TAS1R1: variants seen among roughly 807,000 people sequenced by gnomAD.
TAS1R1 encodes taste receptor type 1 member 1.
TAS1R1 carries 31 observed loss-of-function variants against 45.8 expected under a neutral mutation model. That is an observed-to-expected ratio of 0.68 (90% CI 0.51 to 0.91). The LOEUF (loss-of-function observed/expected upper bound fraction) is 0.91, where lower values mean the gene tolerates loss of function less well. TAS1R1 is among the 40% of genes least tolerant of loss of function. The pLI is 0.00. For synonymous variants in TAS1R1, 437 were observed against 448.4 expected (o/e 0.97, Z 0.32); for missense variants, 1,051 against 1,063.9 (o/e 0.99, Z 0.17).
At chr1:6,561,396 T>C (rs969562159) in intron 1 of TAS1R1, among the ~76,000 whole-genome samples, 1 of 152,104 alleles carries the variant, frequency 6.6e-6, no homozygotes, top group African/African-American at 2.4e-5. Flanking sequence ...CTCAACAGTT[T>C]TGAAGTGACG....
At position 6,574,747 on chromosome 1, in the gene TAS1R1, G is replaced by T; in HGVS notation, c.615G>T (p.Lys205Asn). 1 of 1,614,286 alleles carries T rather than the reference G, an allele frequency of 6.2e-7. No homozygotes were observed. Among genetic ancestry groups the T allele is most frequent in the Non-Finnish European group, 8.5e-7 (1 of 1,180,052 alleles). Residue 205 changes from lysine to asparagine, a missense_variant, in exon 3 of 6, where the codon AAG becomes AAT. Lys to Asn is a moderately conservative substitution (Grantham distance 94). Transcript: ENST00000333172. The surrounding 1 kb of genome is among the most constrained non-coding windows in gnomAD (Gnocchi z 4.3). ...AGACCATGGTGCTGCTGCTGCAGAAGTTCGGGTGGACCTGGATCTCTCTGG... is the reference window on the plus strand; with the variant it reads ...AGACCATGGTGCTGCTGCTGCAGAATTTCGGGTGGACCTGGATCTCTCTGG... ...QVETMVLLLQ[K>N]FGWTWISLVG...
chr1:6,577,162 C>G, intron 5 of TAS1R1, 92 bp downstream of exon 5: 1 of 1,551,520 alleles, frequency 6.4e-7, no homozygotes. Flanking sequence ...GTGCCCTGCC[C>G]CAGAACCAAG....
intron 1 of TAS1R1, among the ~76,000 whole-genome samples, chr1:6,556,561 CA>C (rs1639688742): frequency 6.6e-6 from 1 of 151,922 alleles, no homozygotes; most frequent in African/African-American, 2.4e-5. Context: ...TCACCATACC[CA>C]GCTAATTTTT....
At position 6,566,995 on chromosome 1, in the gene TAS1R1, GA is replaced by G. The variant is rs553177744; in HGVS notation, c.192-3913del. Among the ~76,000 whole-genome samples the G allele has an allele frequency of 3.3e-3, 507 of 152,288 alleles. 1 individual carries two copies. The highest frequency in any genetic ancestry group is 5.6e-3 in the Non-Finnish European group (380 of 68,030). ...AGAGAGGTGGGAAGTGGGTGCTGGG[GA>G]GAGGGGTCAGGGACTGGACTGGCAG... On this transcript the variant is annotated intron_variant, in intron 1 of 5. Transcript: ENST00000333172.
At position 6,575,246 on chromosome 1, in the gene TAS1R1, GCACA is replaced by G; in HGVS notation, c.1118_1121del (p.His373ArgfsTer10). 1 of 1,613,478 alleles carries G rather than the reference GCACA, an allele frequency of 6.2e-7. No individual in the cohort carries two copies. The highest frequency in any genetic ancestry group is 8.5e-7 in the Non-Finnish European group (1 of 1,179,992). ...CTGCAGAGAATGCCAAGCTTTCATGGCACACACGATGCCCAAGCTCAAAGCCTTC... is the reference window on the plus strand; with the variant it reads ...CTGCAGAGAATGCCAAGCTTTCATGGCACGATGCCCAAGCTCAAAGCCTTC... On this transcript the variant is annotated frameshift_variant, in exon 3 of 6. Transcript: ENST00000333172. LOFTEE classifies it high-confidence loss of function.
At chr1:6,558,210 A>T (rs1011984315) in intron 1 of TAS1R1, among the ~76,000 whole-genome samples, 2 of 151,846 alleles carry the variant, frequency 1.3e-5, no homozygotes, top group Non-Finnish European at 1.5e-5. Flanking sequence ...CTAATTTTTT[A>T]AATTTTTTAT....
At position 6,555,504 on chromosome 1, in the gene TAS1R1, T is replaced by C. The variant is rs1194843018; in HGVS notation, c.131T>C (p.Phe44Ser). Residue 44 changes from phenylalanine to serine, a missense_variant, in exon 1 of 6, where the codon TTC becomes TCC. Transcript: ENST00000333172. The stretch of plus-strand genomic sequence containing the variant: ...GGAGATTACCTCCTGGCAGGCCTGT[T>C]CCCTCTCCATTCTGGCTGTCTGCAG... ...LPGDYLLAGL[F>S]PLHSGCLQVR... 8 of 1,565,348 alleles carry C rather than the reference T, an allele frequency of 5.1e-6. No homozygotes were observed. Among genetic ancestry groups the C allele is most frequent in the Non-Finnish European group, 6.9e-6 (8 of 1,154,542 alleles).
At chr1:6,567,571 A>AG (rs1639897509) in intron 1 of TAS1R1, among the ~76,000 whole-genome samples, 1 of 151,012 alleles carries the variant, frequency 6.6e-6, no homozygotes, top group Admixed American at 6.6e-5. Context: ...AAGAAAAAAA[A>AG]AAAAAAGAGG....
chr1:6,558,725 A>AT (rs924285297), intron 1 of TAS1R1, among the ~76,000 whole-genome samples: 11 of 151,382 alleles, frequency 7.3e-5, no homozygotes, highest in African/African-American at 1.2e-4. Context: ...TCTAAAAAAA[A>AT]ATATATATAT....
rs1241602759 is a variant in TAS1R1, at chr1:6,560,963, G to A, written c.191+5399G>A. Reference sequence around the variant, plus strand: ...CATGCCACTGCACTCCAGCTTGGGCGACAGAGTCGGAAGACTCTGTCTCAA... The same window carrying A: ...CATGCCACTGCACTCCAGCTTGGGCAACAGAGTCGGAAGACTCTGTCTCAA... On this transcript the variant is annotated intron_variant, in intron 1 of 5. Coordinates refer to ENST00000333172, the MANE Select transcript of TAS1R1 (RefSeq NM_138697.4). Among the ~76,000 whole-genome samples, 5 of 118,078 alleles carry A rather than the reference G, an allele frequency of 4.2e-5. No homozygotes were observed. In the South Asian group the frequency reaches 1.5e-3, roughly 35 times the overall value. The allele number at this position is 118,078 out of a possible 152,430, so 77.5% of individuals were successfully genotyped here.
chr1:6,563,434 T>A (rs553022153), intron 1 of TAS1R1, among the ~76,000 whole-genome samples: 1 of 152,226 alleles, frequency 6.6e-6, no homozygotes, highest in Non-Finnish European at 1.5e-5. Context: ...AGTTGTACTA[T>A]GCGCCGTGTC....
rs542335184 is a variant in TAS1R1 at position 6,574,408 on chromosome 1, C to T, written c.499-223C>T. Reference sequence around the variant, plus strand: ...TTCACTCCTATGCAGGTTTTGTCTCCTTTGCTTGGAATGCATCCCCTCACC... The same window carrying T: ...TTCACTCCTATGCAGGTTTTGTCTCTTTTGCTTGGAATGCATCCCCTCACC... On this transcript the variant is annotated intron_variant, in intron 2 of 5. Transcript: ENST00000333172. The surrounding 1 kb of genome is among the most constrained non-coding windows in gnomAD (Gnocchi z 4.3). 1.3e-5 allele frequency among the ~76,000 whole-genome samples: 2 copies of T among 152,348 alleles called. No individual in the cohort carries two copies. Among genetic ancestry groups the T allele is most frequent in the Admixed American group, 6.5e-5 (1 of 15,310 alleles).
At chr1:6,569,171 T>G (rs1639945843) in intron 1 of TAS1R1, among the ~76,000 whole-genome samples, 1 of 151,446 alleles carries the variant, frequency 6.6e-6, no homozygotes, top group African/African-American at 2.4e-5. Flanking sequence ...TGGGGTGGTT[T>G]AATGGAGGAC....
chr1:6,571,113 C>T lies in TAS1R1; in HGVS notation c.396C>T (p.Asp132=). 1 of 1,613,972 alleles carries T rather than the reference C, an allele frequency of 6.2e-7. No homozygotes were observed. The highest frequency in any genetic ancestry group is 8.5e-7 in the Non-Finnish European group (1 of 1,179,894). ...PGQHHIELQG[D]LLHYSPTVLA... ...AACACCACATAGAGCTCCAAGGAGA[C>T]CTTCTCCACTATTCCCCTACGGTGC... is the stretch of plus-strand genomic sequence containing the variant. Residue 132 remains aspartate (D), a synonymous_variant, in exon 2 of 6, where the codon GAC becomes GAT. Transcript: ENST00000333172.
rs760996553 is a variant in TAS1R1 at position 6,574,899 on chromosome 1, T to C, written c.767T>C (p.Met256Thr). Residue 256 changes from methionine (M) to threonine (T), a missense_variant, in exon 3 of 6, where the codon ATG (methionine) becomes ACG (threonine). Coordinates refer to ENST00000333172, the MANE Select transcript of TAS1R1 (RefSeq NM_138697.4). The surrounding 1 kb of genome is among the most constrained non-coding windows in gnomAD (Gnocchi z 4.3). ...TCTGCCCAGGTGGGCGATGAGAGGA[T>C]GCAGTGCCTCATGCGCCACCTGGCC... ...PFSAQVGDER[M>T]QCLMRHLAQA... The C allele has an allele frequency of 3.7e-6, 6 of 1,614,094 alleles. No homozygotes were observed. The highest frequency in any genetic ancestry group is 5.1e-6 in the Non-Finnish European group (6 of 1,180,036).
chr1:6,560,791 G>A (rs1299945324), intron 1 of TAS1R1, among the ~76,000 whole-genome samples: 1 of 152,080 alleles, frequency 6.6e-6, no homozygotes, highest in Non-Finnish European at 1.5e-5. Flanking sequence ...GACCATCCTG[G>A]CTAACACGGT....
chr1:6,579,077 G>A lies in TAS1R1; in HGVS notation c.2019G>A (p.Trp673Ter). 6.2e-7 allele frequency: 1 copy of A among 1,613,646 alleles called. No individual in the cohort carries two copies. Among genetic ancestry groups the A allele is most frequent in the Non-Finnish European group, 8.5e-7 (1 of 1,179,650 alleles). ...AGGTACCTACATTCTACCACGCCTGGGTCCAAAACCACGGTGCTGGCCTGT... is the reference window on the plus strand; with the variant it reads ...AGGTACCTACATTCTACCACGCCTGAGTCCAAAACCACGGTGCTGGCCTGT... ...STKVPTFYHA[W>*]VQNHGAGLFV... Residue 673 changes from tryptophan (W) to a stop codon, truncating the protein, a stop_gained, in exon 6 of 6, where the codon TGG (tryptophan) becomes TGA (stop). Coordinates refer to ENST00000333172, the MANE Select transcript of TAS1R1 (RefSeq NM_138697.4). LOFTEE classifies it low-confidence loss of function (END_TRUNC).
rs563204251 is a variant in TAS1R1, at chr1:6,569,680, G to T, written c.192-1229G>T. 6.8e-4 allele frequency among the ~76,000 whole-genome samples: 103 copies of T among 152,210 alleles called. 1 individual carries two copies. Among genetic ancestry groups the T allele is most frequent in the African/African-American group, 2.4e-3 (101 of 41,522 alleles). On this transcript the variant is annotated intron_variant, in intron 1 of 5. Coordinates refer to ENST00000333172, the MANE Select transcript of TAS1R1 (RefSeq NM_138697.4). ...CAAGGATGGTGGGAGAGGGCGTCCT[G>T]TGTCCCGCAAGCCCTGTCTGGAATA... is the stretch of plus-strand genomic sequence containing the variant.
rs377179936 is a variant in TAS1R1 at position 6,576,539 on chromosome 1, C to A, written c.1385C>A (p.Thr462Asn). 54 of 1,614,120 alleles carry A rather than the reference C, an allele frequency of 3.3e-5. No individual in the cohort carries two copies. The highest frequency in any genetic ancestry group is 4.2e-5 in the Non-Finnish European group (50 of 1,180,058). The change falls in exon 4 of 6, where the codon ACC becomes AAC. Residue 462 changes from threonine to asparagine, a missense_variant. Physicochemically the swap from Thr to Asn is moderately conservative, Grantham distance 65 (BLOSUM62 0). Transcript: ENST00000333172. ...TGGGACTGGAATGGACCCAAGTGGACCTTCACGGTCCTCGGTTCCTCCACA... is the reference window on the plus strand; with the variant it reads ...TGGGACTGGAATGGACCCAAGTGGAACTTCACGGTCCTCGGTTCCTCCACA... The part of the protein sequence containing the change: ...IAWDWNGPKW[T>N]FTVLGSSTWS...
Sources: allele counts gnomAD v4.1 joint callset (sites outside exome capture counted in the v4.1 genomes callset), GRCh38; gene constraint gnomAD v4.1.1; non-coding constraint Gnocchi (gnomAD v3.1); transcripts MANE v1.5; gene names NCBI Gene and HGNC (gene_info 2026-07-23, HGNC 2026-07-21).